CARMIL1: variants seen among roughly 807,000 people sequenced by gnomAD.
CARMIL1 encodes capping protein regulator and myosin 1 linker 1.
In CARMIL1, 90 loss-of-function variants were observed where a neutral mutation model predicts 177.1. The ratio of observed to expected loss-of-function variants is 0.51; its 90% CI spans 0.43 to 0.61. The LOEUF (loss-of-function observed/expected upper bound fraction) is 0.61. Ranked by LOEUF, CARMIL1 falls within the 20% of genes least tolerant of loss-of-function variation. The pLI is 0.00. For missense variants in CARMIL1, 1,380 were observed against 1,667.0 expected, an observed-to-expected ratio of 0.83 and a Z score of 3.00; for synonymous variants, 577 against 606.2, an observed-to-expected ratio of 0.95 and a Z score of 0.71.
At chr6:25,310,146 T>G (rs2150202291) in intron 2 of CARMIL1, among the ~76,000 whole-genome samples, 1 of 152,328 alleles carries the variant, frequency 6.6e-6, no homozygotes, top group South Asian at 2.1e-4. Flanking sequence ...AATGCTCTTA[T>G]GAGCGTGCAT....
intron 29 of CARMIL1, among the ~76,000 whole-genome samples, chr6:25,579,025 T>G (rs1298555599): frequency 6.6e-6 from 1 of 151,932 alleles, no homozygotes; most frequent in Admixed American, 6.6e-5. Flanking sequence ...GAATGACCTA[T>G]TCACAGATGG....
chr6:25,556,143 A>C (rs116826341), intron 28 of CARMIL1, among the ~76,000 whole-genome samples: 29 of 152,342 alleles, frequency 1.9e-4, no homozygotes, highest in South Asian at 4.1e-4. Context: ...CAGAAGAATT[A>C]AATCAAAGTT....
chr6:25,488,456 G>A, intron 12 of CARMIL1, 26 bp from the exon 13 acceptor site: 1 of 1,575,676 alleles, frequency 6.3e-7, no homozygotes, highest in Non-Finnish European at 8.7e-7. Context: ...AGTGCAAACT[G>A]AGCCTGGATT....
intron 24 of CARMIL1, among the ~76,000 whole-genome samples, chr6:25,529,725 G>A (rs549464968): frequency 7.5e-5 from 3 of 40,016 alleles, no homozygotes; most frequent in South Asian, 8.8e-4. Flanking sequence ...TCCGCAGTCC[G>A]GCCTGGGCGA....
chr6:25,575,564 G>A (rs1052550435), intron 29 of CARMIL1, among the ~76,000 whole-genome samples: 1 of 152,180 alleles, frequency 6.6e-6, no homozygotes, highest in Non-Finnish European at 1.5e-5. Context: ...TGAGGGCTAT[G>A]TGTTAGGACA....
intron 2 of CARMIL1, among the ~76,000 whole-genome samples, chr6:25,397,009 C>G (rs993727496): frequency 6.6e-6 from 1 of 152,120 alleles, no homozygotes; most frequent in Non-Finnish European, 1.5e-5. Context: ...CATGTACAAC[C>G]TAGCTCATGA....
chr6:25,465,783 A>T, intron 8 of CARMIL1, 90 bp from the exon 9 acceptor site: 1 of 777,440 alleles, frequency 1.3e-6, no homozygotes. Flanking sequence ...AGAAATTAAC[A>T]GGTGAACTTG....
intron 36 of CARMIL1, among the ~76,000 whole-genome samples, chr6:25,610,625 A>G (rs1329082919): frequency 6.6e-6 from 1 of 152,212 alleles, no homozygotes; most frequent in African/African-American, 2.4e-5. Context: ...CTTGCAGCTC[A>G]CTGTGCTCGC....
At chr6:25,292,650 C>G (rs866256449) in intron 2 of CARMIL1, among the ~76,000 whole-genome samples, 1 of 152,166 alleles carries the variant, frequency 6.6e-6, no homozygotes, top group South Asian at 2.1e-4. Flanking sequence ...TTAGGATAGG[C>G]GAGTCAAATG....
At chr6:25,430,586 T>C (rs1005070905) in intron 4 of CARMIL1, among the ~76,000 whole-genome samples, 12 of 151,984 alleles carry the variant, frequency 7.9e-5, no homozygotes, top group Non-Finnish European at 1.8e-4. Flanking sequence ...TGCACCACCA[T>C]GCCTGGCTAA....
intron 2 of CARMIL1, among the ~76,000 whole-genome samples, chr6:25,402,348 G>A (rs767208847): frequency 6.6e-6 from 1 of 152,112 alleles, no homozygotes; most frequent in Non-Finnish European, 1.5e-5. Context: ...TAGAATGACG[G>A]CCTGTAAGAT....
intron 4 of CARMIL1, among the ~76,000 whole-genome samples, chr6:25,432,476 T>G (rs1796878283): frequency 6.6e-6 from 1 of 152,218 alleles, no homozygotes; most frequent in Non-Finnish European, 1.5e-5. Context: ...TTCCCCTTTC[T>G]TCAGAAATGT....
intron 29 of CARMIL1, among the ~76,000 whole-genome samples, chr6:25,566,619 G>A (rs547325481): frequency 3.2e-4 from 48 of 152,360 alleles, no homozygotes; most frequent in Non-Finnish European, 5.6e-4. Flanking sequence ...TTACTTACTT[G>A]TGAAGGTATA....
chr6:25,426,166 A>G (rs1355628219), intron 3 of CARMIL1, among the ~76,000 whole-genome samples: 1 of 152,154 alleles, frequency 6.6e-6, no homozygotes, highest in Non-Finnish European at 1.5e-5. Context: ...GTTTTTTGCT[A>G]TTACTTTTAA....
At chr6:25,336,174 T>C (rs2254974) in intron 2 of CARMIL1, among the ~76,000 whole-genome samples, 133,476 of 151,856 alleles carry the variant, frequency 0.88, 58,876 homozygotes, top group African/African-American at 0.93. Context: ...GCCCCCTGTC[T>C]CGCTTTCTAG....
At chr6:25,390,316 ATATATTTTTTTTTTT>A in intron 2 of CARMIL1, among the ~76,000 whole-genome samples, 1 of 42,208 alleles carries the variant, frequency 2.4e-5, no homozygotes, top group South Asian at 9.6e-4. Context: ...ATATATATAT[ATATATTTTTTTTTTT>A]TTTTTTTTGA....
chr6:25,600,005 A>G (rs77346695), intron 32 of CARMIL1, among the ~76,000 whole-genome samples: 13,118 of 152,186 alleles, frequency 0.086, 700 homozygotes, highest in East Asian at 0.12. Context: ...AAGTGGTTAT[A>G]TATATATATA....
chr6:25,521,016 A>G (rs1021118544), intron 23 of CARMIL1, among the ~76,000 whole-genome samples: 1 of 152,096 alleles, frequency 6.6e-6, no homozygotes, highest in African/African-American at 2.4e-5. Flanking sequence ...GTATTATTTG[A>G]GGAATCTTTG....
chr6:25,469,559 T>C (rs1056087941), intron 9 of CARMIL1, among the ~76,000 whole-genome samples: 2 of 152,102 alleles, frequency 1.3e-5, no homozygotes, highest in Non-Finnish European at 2.9e-5. Context: ...TATGTGTATG[T>C]GTGTGTTTGC....
Sources: gnomAD v4.1 joint callset for allele counts (sites outside exome capture counted in the v4.1 genomes callset) on GRCh38, gnomAD v4.1.1 for gene constraint, MANE v1.5 for transcripts, NCBI Gene and HGNC (gene_info 2026-07-23, HGNC 2026-07-21) for gene names.